The following GALNT13 variants were observed in gnomAD, a reference collection of about 807,000 sequenced individuals.
The protein encoded by GALNT13 is UDP-GalNAc:polypeptide N-acetylgalactosaminyltransferase 13.
GALNT13 carries 28 observed loss-of-function variants against 64.2 expected under a neutral mutation model. The observed-to-expected ratio is 0.44, with a 90% CI of 0.32 to 0.60. GALNT13 has a LOEUF of 0.60. GALNT13 is among the 20% of genes least tolerant of loss of function. GALNT13 has a pLI of 0.05. For missense variants in GALNT13, 577 were observed against 669.8 expected, an observed-to-expected ratio of 0.86 and a Z score of 1.53; for synonymous variants, 214 against 224.6, an observed-to-expected ratio of 0.95 and a Z score of 0.42.
the GALNT13 span, among the ~76,000 whole-genome samples, chr2:153,222,029 C>T: frequency 5.3e-5 from 8 of 152,128 alleles, no homozygotes; most frequent in Non-Finnish European, 1.0e-4. Flanking sequence ...AGGCGTGTTT[C>T]AGCCCTGTTT....
At chr2:154,271,349 A>G (rs559195276) in intron 8 of GALNT13, among the ~76,000 whole-genome samples, 10 of 152,112 alleles carry the variant, frequency 6.6e-5, no homozygotes, top group African/African-American at 2.4e-4. Flanking sequence ...TTGGAACTAA[A>G]CAAACTAAAA....
chr2:153,981,055 G>A (rs931312947), intron 3 of GALNT13, among the ~76,000 whole-genome samples: 33 of 151,848 alleles, frequency 2.2e-4, no homozygotes, highest in African/African-American at 7.0e-4. Context: ...AAATAGTGAG[G>A]TATCTCAGTT....
At chr2:153,907,353 C>G (rs1393563667) in intron 2 of GALNT13, among the ~76,000 whole-genome samples, 1 of 151,458 alleles carries the variant, frequency 6.6e-6, no homozygotes, top group East Asian at 1.9e-4. Flanking sequence ...ACATATGTAT[C>G]ATATACATAT....
the GALNT13 span, among the ~76,000 whole-genome samples, chr2:153,155,738 G>C: frequency 1.1e-4 from 17 of 151,968 alleles, no homozygotes; most frequent in South Asian, 2.9e-3. Flanking sequence ...GTCTGATTCT[G>C]GTTATTTCTT....
intron 1 of GALNT13, among the ~76,000 whole-genome samples, chr2:153,880,234 T>G (rs1686687803): frequency 6.6e-6 from 1 of 152,142 alleles, no homozygotes; most frequent in Admixed American, 6.5e-5. Context: ...TTGTATAAGA[T>G]GGAATATTTG....
chr2:153,183,916 C>A, the GALNT13 span, among the ~76,000 whole-genome samples: 1 of 152,084 alleles, frequency 6.6e-6, no homozygotes, highest in Non-Finnish European at 1.5e-5. Context: ...ATGCCTCCAG[C>A]TTTGTTCTTT....
chr2:153,409,143 C>T, the GALNT13 span, among the ~76,000 whole-genome samples: 13 of 151,984 alleles, frequency 8.6e-5, no homozygotes, highest in Admixed American at 7.9e-4. Flanking sequence ...TTGCCTGCTT[C>T]CCTACTTTTG....
the GALNT13 span, among the ~76,000 whole-genome samples, chr2:153,445,733 TATATCA>T: frequency 6.6e-6 from 1 of 152,196 alleles, no homozygotes; most frequent in African/African-American, 2.4e-5. Flanking sequence ...TTTTCTCATA[TATATCA>T]ATCATGGAGA....
At chr2:154,156,460 T>C (rs974408154) in intron 4 of GALNT13, among the ~76,000 whole-genome samples, 1 of 152,140 alleles carries the variant, frequency 6.6e-6, no homozygotes, top group Non-Finnish European at 1.5e-5. Flanking sequence ...ATAGTAAATG[T>C]AGCTAAATAT....
At chr2:153,320,103 C>T in the GALNT13 span, among the ~76,000 whole-genome samples, 1 of 152,136 alleles carries the variant, frequency 6.6e-6, no homozygotes, top group Non-Finnish European at 1.5e-5. Flanking sequence ...ATGGCTGGGG[C>T]ACATGGTATT....
the GALNT13 span, among the ~76,000 whole-genome samples, chr2:153,732,022 G>C: frequency 6.6e-6 from 1 of 151,650 alleles, no homozygotes; most frequent in Non-Finnish European, 1.5e-5. Flanking sequence ...TTTCATTTTA[G>C]AAAAAGGAAC....
intron 9 of GALNT13, among the ~76,000 whole-genome samples, chr2:154,305,526 ATTTTTCCAATATG>A (rs1486127642): frequency 6.6e-6 from 1 of 152,074 alleles, no homozygotes; most frequent in Non-Finnish European, 1.5e-5. Flanking sequence ...ATATTTGTTA[ATTTTTCCAATATG>A]TTTTGTGAGA....
intron 11 of GALNT13, among the ~76,000 whole-genome samples, chr2:154,426,442 G>A (rs72873807): frequency 0.045 from 6,780 of 152,268 alleles, 547 homozygotes; most frequent in Admixed American, 0.22. Flanking sequence ...TTAAGGGAAG[G>A]AGGTTATACA....
the GALNT13 span, among the ~76,000 whole-genome samples, chr2:153,401,407 T>A: frequency 1.3e-5 from 2 of 151,678 alleles, no homozygotes; most frequent in East Asian, 3.9e-4. Context: ...ATTCTGTTGA[T>A]TTGGGGTGGA....
chr2:153,327,603 A>G, the GALNT13 span, among the ~76,000 whole-genome samples: 1 of 151,654 alleles, frequency 6.6e-6, no homozygotes, highest in African/African-American at 2.4e-5. Flanking sequence ...ATACTTGTGT[A>G]TGCTTCATGA....
chr2:153,123,366 C>T, the GALNT13 span, among the ~76,000 whole-genome samples: 1 of 152,162 alleles, frequency 6.6e-6, no homozygotes. Flanking sequence ...AAACCTGACA[C>T]ACACCCAAGA....
the GALNT13 span, among the ~76,000 whole-genome samples, chr2:153,360,772 A>G: frequency 6.6e-6 from 1 of 152,174 alleles, no homozygotes; most frequent in African/African-American, 2.4e-5. Context: ...GTGGACCAGC[A>G]GACTTAGTCT....
the GALNT13 span, among the ~76,000 whole-genome samples, chr2:153,641,198 G>T: frequency 2.0e-5 from 3 of 151,936 alleles, no homozygotes; most frequent in African/African-American, 2.4e-5. Context: ...TATTGTACAG[G>T]CTGGGAAATG....
chr2:153,515,098 T>C, the GALNT13 span, among the ~76,000 whole-genome samples: 1 of 152,166 alleles, frequency 6.6e-6, no homozygotes, highest in Non-Finnish European at 1.5e-5. Flanking sequence ...CAGGTTTGGA[T>C]GTTGGGGGAG....
Sources: gnomAD v4.1 joint callset for allele counts (sites outside exome capture counted in the v4.1 genomes callset) on GRCh38, gnomAD v4.1.1 for gene constraint, MANE v1.5 for transcripts, NCBI Gene and HGNC (gene_info 2026-07-23, HGNC 2026-07-21) for gene names.